SSBP2: variants seen among roughly 807,000 people sequenced by gnomAD.
SSBP2 encodes the protein single-stranded DNA-binding protein 2.
In SSBP2, 17 loss-of-function variants were observed where a neutral mutation model predicts 61.8. The ratio of observed to expected loss-of-function variants is 0.28; its 90% CI spans 0.19 to 0.41. The LOEUF (loss-of-function observed/expected upper bound fraction) is 0.41, where lower values mean the gene tolerates loss of function less well. Among genes scored for constraint, SSBP2 ranks in the 10% least tolerant of loss-of-function variants. The pLI is 1.00. For synonymous variants in SSBP2, 139 were observed against 141.3 expected, an observed-to-expected ratio of 0.98 and a Z score of 0.12; for missense variants, 310 against 458.7, an observed-to-expected ratio of 0.68 and a Z score of 2.96.
intron 4 of SSBP2, among the ~76,000 whole-genome samples, chr5:81,614,151 G>C (rs941772572): frequency 6.6e-6 from 1 of 152,072 alleles, no homozygotes; most frequent in Non-Finnish European, 1.5e-5. Context: ...ACGAGGTCAG[G>C]AGATCGAGAC....
At chr5:81,685,756 G>C (rs1752723409) in intron 1 of SSBP2, among the ~76,000 whole-genome samples, 1 of 152,108 alleles carries the variant, frequency 6.6e-6, no homozygotes, top group South Asian at 2.1e-4. Context: ...AGATACCTAA[G>C]CAATAAACAG....
At chr5:81,616,002 T>C (rs1745977049) in intron 3 of SSBP2, 1 of 153,606 alleles carries the variant, frequency 6.5e-6, no homozygotes, top group Non-Finnish European at 1.4e-5. Flanking sequence ...ACCATTAAAT[T>C]ATATTGTTTA....
chr5:81,587,129 A>T (rs760400618), intron 4 of SSBP2, among the ~76,000 whole-genome samples: 1 of 152,060 alleles, frequency 6.6e-6, no homozygotes, highest in African/African-American at 2.4e-5. Flanking sequence ...AATAAATCAC[A>T]GTGTGTATAA....
chr5:81,665,724 T>G (rs1457116303), intron 1 of SSBP2, among the ~76,000 whole-genome samples: 2 of 152,138 alleles, frequency 1.3e-5, no homozygotes, highest in African/African-American at 4.8e-5. Context: ...AGGCTGGTCT[T>G]GAACTCCTGA....
At chr5:81,594,813 T>C (rs1743533783) in intron 4 of SSBP2, among the ~76,000 whole-genome samples, 1 of 152,104 alleles carries the variant, frequency 6.6e-6, no homozygotes, top group African/African-American at 2.4e-5. Context: ...AGACACAACA[T>C]ACCAGAATCT....
intron 4 of SSBP2, among the ~76,000 whole-genome samples, chr5:81,559,274 C>T (rs1461465254): frequency 6.6e-6 from 1 of 151,534 alleles, no homozygotes; most frequent in East Asian, 1.9e-4. Flanking sequence ...GTAATCCCAG[C>T]TATTCAGGAG....
intron 2 of SSBP2, 142 bp from the exon 3 acceptor site, chr5:81,636,760 C>A: frequency 5.7e-6 from 4 of 700,062 alleles, no homozygotes; most frequent in Non-Finnish European, 9.3e-6. Flanking sequence ...CCAAGTTTTG[C>A]AAGTACTCAT....
At chr5:81,580,278 G>T (rs1774544136) in intron 4 of SSBP2, among the ~76,000 whole-genome samples, 1 of 151,944 alleles carries the variant, frequency 6.6e-6, no homozygotes, top group Admixed American at 6.6e-5. Context: ...TAACTGTATA[G>T]CAATTAGATG....
chr5:81,445,234 G>A (rs1478048536), intron 12 of SSBP2, among the ~76,000 whole-genome samples: 1 of 137,046 alleles, frequency 7.3e-6, no homozygotes, highest in East Asian at 2.2e-4. Context: ...TTACAATAAA[G>A]TGGATCTCCT....
intron 1 of SSBP2, among the ~76,000 whole-genome samples, chr5:81,660,270 T>C (rs2153740757): frequency 6.6e-6 from 1 of 152,164 alleles, no homozygotes; most frequent in Non-Finnish European, 1.5e-5. Context: ...AATCTACCCA[T>C]CTGACAAAGG....
chr5:81,566,121 A>G (rs929907276), intron 4 of SSBP2, among the ~76,000 whole-genome samples: 2 of 152,208 alleles, frequency 1.3e-5, no homozygotes, highest in Admixed American at 1.3e-4. Context: ...TTTATTTGTT[A>G]AAGACAAGTA....
upstream of SSBP2, chr5:81,751,580 C>CA (rs59021953): frequency 0.81 from 133,987 of 165,152 alleles, 54,794 homozygotes; most frequent in Middle Eastern, 0.92. Context: ...GCCGAGTCCA[C>CA]GACAGAGCCA....
rs986670433 is a variant in SSBP2, at chr5:81,640,268, A to G, written c.136-3650T>C. Among the ~76,000 whole-genome samples the G allele has an allele frequency of 4.7e-4, 71 of 152,238 alleles. 1 individual carries two copies. Among genetic ancestry groups the G allele is most frequent in the African/African-American group, 1.7e-3 (69 of 41,544 alleles). On this transcript the variant is annotated intron_variant, in intron 2 of 16. Transcript: ENST00000320672. ...GGCAGAAGAATCACTTGAACCCAGG[A>G]GGCGGAGATTGCAGTGAGCCGAGAT...
At chr5:81,553,167 C>T (rs1442451454) in intron 4 of SSBP2, among the ~76,000 whole-genome samples, 3 of 152,150 alleles carry the variant, frequency 2.0e-5, no homozygotes, top group Non-Finnish European at 4.4e-5. Context: ...ATTTACCTTC[C>T]TCAATATGGA....
chr5:81,647,634 T>C (rs1749381354), intron 2 of SSBP2, among the ~76,000 whole-genome samples: 2 of 152,062 alleles, frequency 1.3e-5, no homozygotes, highest in South Asian at 2.1e-4. Flanking sequence ...TGTGTCTTCT[T>C]GGTGATAATA....
intron 4 of SSBP2, among the ~76,000 whole-genome samples, chr5:81,534,227 CCT>C (rs1354575460): frequency 2.6e-5 from 4 of 152,020 alleles, no homozygotes; most frequent in African/African-American, 9.7e-5. Context: ...GAACATTTCC[CCT>C]CTCTTCACAA....
At chr5:81,429,440 C>T (rs71603591) in intron 15 of SSBP2, among the ~76,000 whole-genome samples, 3,102 of 152,044 alleles carry the variant, frequency 0.02, 56 homozygotes, top group Non-Finnish European at 0.031. Context: ...TCATTATTAC[C>T]GCACAATTTT....
intron 5 of SSBP2, among the ~76,000 whole-genome samples, chr5:81,501,471 A>AGC (rs1767759473): frequency 6.7e-6 from 1 of 149,352 alleles, no homozygotes; most frequent in Non-Finnish European, 1.5e-5. Context: ...AATTAATTAT[A>AGC]CTTTACTCTT....
chr5:81,580,542 T>A (rs1280524928), intron 4 of SSBP2, among the ~76,000 whole-genome samples: 6 of 152,082 alleles, frequency 3.9e-5, no homozygotes, highest in Non-Finnish European at 8.8e-5. Flanking sequence ...ATGTTTATAT[T>A]CCCAGGTTTT....
Sources: gnomAD v4.1 joint callset for allele counts (sites outside exome capture counted in the v4.1 genomes callset) on GRCh38, gnomAD v4.1.1 for gene constraint, MANE v1.5 for transcripts, NCBI Gene and HGNC (gene_info 2026-07-23, HGNC 2026-07-21) for gene names.